The following RAPGEF2 variants were observed in gnomAD, a reference collection of about 807,000 sequenced individuals.
RAPGEF2 encodes the protein Rap guanine nucleotide exchange factor 2, also known as PDZ domain containing guanine nucleotide exchange factor (GEF) 1.
RAPGEF2 carries 54 observed loss-of-function variants against 186.7 expected under a neutral mutation model. That is an observed-to-expected ratio of 0.29 (90% confidence interval 0.23 to 0.36). RAPGEF2 has a LOEUF of 0.36. Ranked by LOEUF, RAPGEF2 falls within the 10% of genes least tolerant of loss-of-function variation. The probability of loss-of-function intolerance (pLI) is 1.00; values close to 1 mark genes in which losing one functional copy is unlikely to be tolerated. For synonymous variants in RAPGEF2, 712 were observed against 705.9 expected (o/e 1.01, Z -0.14); for missense variants, 1,532 against 2,045.0 (o/e 0.75, Z 4.84).
chr4:159,111,485 G>A lies in RAPGEF2; in HGVS notation c.69+7254G>A, dbSNP rs913072533. On this transcript the variant is annotated intron_variant, in intron 1 of 29. Transcript: ENST00000691494. The stretch of plus-strand genomic sequence containing the variant: ...GACACAGTGTAATATCTGCCCCTTG[G>A]CACCTTTCTGTTCTTCTCTAGCTCA... Among the ~76,000 whole-genome samples, 3 of 152,294 alleles carry A rather than the reference G, an allele frequency of 2.0e-5. 1 individual carries two copies. In the East Asian group the frequency reaches 5.8e-4, roughly 29 times the overall value.
At chr4:159,357,328 C>A (rs1301627342) in intron 29 of RAPGEF2, among the ~76,000 whole-genome samples, 1 of 151,964 alleles carries the variant, frequency 6.6e-6, no homozygotes, top group African/African-American at 2.4e-5. Context: ...GCCACTGCAC[C>A]GTAGCCTAGG....
At chr4:159,203,831 G>A (rs1749698667) in intron 3 of RAPGEF2, among the ~76,000 whole-genome samples, 1 of 152,190 alleles carries the variant, frequency 6.6e-6, no homozygotes, top group South Asian at 2.1e-4. Context: ...CATATATATT[G>A]TTTCATTAAA....
intron 1 of RAPGEF2, among the ~76,000 whole-genome samples, chr4:159,147,010 C>T (rs1297469985): frequency 2.0e-5 from 3 of 152,202 alleles, no homozygotes; most frequent in Non-Finnish European, 4.4e-5. Context: ...GTTGCCCTGG[C>T]TGGTTTTGAG....
chr4:159,282,801 C>G (rs1267822117), intron 7 of RAPGEF2, among the ~76,000 whole-genome samples: 3 of 152,066 alleles, frequency 2.0e-5, no homozygotes, highest in Non-Finnish European at 4.4e-5. Context: ...TTATGCTATA[C>G]AGTGTTTTTC....
intron 1 of RAPGEF2, among the ~76,000 whole-genome samples, chr4:159,121,753 G>A (rs1027862712): frequency 9.9e-5 from 15 of 151,896 alleles, no homozygotes; most frequent in African/African-American, 3.4e-4. Context: ...TTATGGAGCC[G>A]GGCTCGGTGG....
intron 7 of RAPGEF2, among the ~76,000 whole-genome samples, chr4:159,297,762 G>A (rs1308262274): frequency 2.6e-5 from 4 of 152,170 alleles, no homozygotes; most frequent in African/African-American, 9.7e-5. Flanking sequence ...GGCCTAAGGT[G>A]GTGGAGGATG....
intron 1 of RAPGEF2, among the ~76,000 whole-genome samples, chr4:159,130,330 T>G (rs1005882008): frequency 2.6e-5 from 4 of 152,166 alleles, no homozygotes; most frequent in African/African-American, 9.7e-5. Flanking sequence ...CTCAGCCTTA[T>G]TTTACCCAGC....
chr4:159,270,448 G>A (rs1476514061), intron 7 of RAPGEF2, among the ~76,000 whole-genome samples: 3 of 152,092 alleles, frequency 2.0e-5, no homozygotes, highest in Non-Finnish European at 2.9e-5. Context: ...CTTCTGTTTT[G>A]CTTATTCAAA....
intron 4 of RAPGEF2, among the ~76,000 whole-genome samples, chr4:159,217,490 A>G (rs1751097545): frequency 6.6e-6 from 1 of 152,140 alleles, no homozygotes; most frequent in South Asian, 2.1e-4. Context: ...ACATGATTCC[A>G]TTCTTTTTTA....
chr4:159,217,649 T>G (rs890526069), intron 4 of RAPGEF2, among the ~76,000 whole-genome samples: 4 of 152,348 alleles, frequency 2.6e-5, no homozygotes, highest in Admixed American at 6.5e-5. Flanking sequence ...GTAGAATGAT[T>G]TCTTTTCCTT....
At chr4:159,192,399 G>C (rs895936490) in intron 2 of RAPGEF2, among the ~76,000 whole-genome samples, 2 of 152,208 alleles carry the variant, frequency 1.3e-5, no homozygotes, top group African/African-American at 4.8e-5. Context: ...ACAGGTTGGA[G>C]AATGGTAGCC....
intron 1 of RAPGEF2, among the ~76,000 whole-genome samples, chr4:159,136,098 GTTTTCTT>G (rs750171695): frequency 3.3e-5 from 5 of 152,150 alleles, no homozygotes; most frequent in Non-Finnish European, 4.4e-5. Flanking sequence ...TTCCACTAAT[GTTTTCTT>G]TTTCTCCAGG....
intron 5 of RAPGEF2, among the ~76,000 whole-genome samples, chr4:159,240,836 A>G (rs897387658): frequency 1.9e-5 from 2 of 105,940 alleles, no homozygotes; most frequent in Non-Finnish European, 3.8e-5. Flanking sequence ...TCTTTTTTCT[A>G]CGTTGCTTAA....
chr4:159,138,828 C>A (rs543525721), intron 1 of RAPGEF2, among the ~76,000 whole-genome samples: 1 of 152,152 alleles, frequency 6.6e-6, no homozygotes, highest in Non-Finnish European at 1.5e-5. Flanking sequence ...CCAAAAATTA[C>A]AGAGCAAGGA....
chr4:159,273,631 T>TTTCC (rs1491494406), intron 7 of RAPGEF2, among the ~76,000 whole-genome samples: 3 of 7,136 alleles, frequency 4.2e-4, no homozygotes, highest in African/African-American at 1.5e-3. Flanking sequence ...AATCAGTTTC[T>TTTCC]TTCTTTCTTT....
At chr4:159,274,586 T>A (rs778326108) in intron 7 of RAPGEF2, among the ~76,000 whole-genome samples, 8 of 152,204 alleles carry the variant, frequency 5.3e-5, no homozygotes, top group Non-Finnish European at 1.2e-4. Flanking sequence ...TGTTCTGAGA[T>A]CTTTGTTCTC....
chr4:159,158,876 TG>T (rs1008022047), intron 1 of RAPGEF2, among the ~76,000 whole-genome samples: 1 of 152,214 alleles, frequency 6.6e-6, no homozygotes, highest in Non-Finnish European at 1.5e-5. Context: ...CACTCTTATT[TG>T]GGTTTTTTGG....
chr4:159,331,378 A>G, intron 13 of RAPGEF2, 53 bp from the exon 14 acceptor site: 5 of 1,069,928 alleles, frequency 4.7e-6, no homozygotes, highest in Middle Eastern at 2.1e-4. Context: ...AATGATTTTA[A>G]TCACATTTTT....
intron 4 of RAPGEF2, among the ~76,000 whole-genome samples, 191 bp from the exon 5 acceptor site, chr4:159,238,618 T>C (rs754315233): frequency 6.6e-6 from 1 of 152,224 alleles, no homozygotes; most frequent in Non-Finnish European, 1.5e-5. Flanking sequence ...AATCTATGAC[T>C]GAAACTTAAG....
Sources: allele counts gnomAD v4.1 joint callset (sites outside exome capture counted in the v4.1 genomes callset), GRCh38; gene constraint gnomAD v4.1.1; transcripts MANE v1.5; gene names NCBI Gene and HGNC (gene_info 2026-07-23, HGNC 2026-07-21).